CD24: variants seen among roughly 807,000 people sequenced by gnomAD.
CD24 encodes CD24 molecule, also known as signal transducer CD24.
In CD24, 2 loss-of-function variants were observed where a neutral mutation model predicts 3.6. That is an observed-to-expected ratio of 0.56 (90% CI 0.23 to 1.77). The LOEUF is 1.77. Ranked by LOEUF, CD24 falls within the 40% of genes most tolerant of loss-of-function variation. CD24 has a pLI of 0.18. For missense variants in CD24, 62 were observed against 93.6 expected (o/e 0.66, Z 1.39); for synonymous variants, 33 against 44.9 (o/e 0.74, Z 1.06).
chr6:106,976,294 A>G (rs1773107504), upstream of CD24, among the ~76,000 whole-genome samples: 1 of 152,230 alleles, frequency 6.6e-6, no homozygotes, highest in Non-Finnish European at 1.5e-5. Context: ...ACCACAGAGT[A>G]GTAAGATTCT....
upstream of CD24, chr6:106,975,321 G>A (rs1773084093): frequency 6.6e-6 from 1 of 152,086 alleles, no homozygotes; most frequent in African/African-American, 2.4e-5. Context: ...CGCCGCAGAG[G>A]AAAGGGGAAC....
upstream of CD24, among the ~76,000 whole-genome samples, chr6:106,975,962 G>T (rs1773102783): frequency 6.6e-6 from 1 of 152,002 alleles, no homozygotes; most frequent in Admixed American, 6.6e-5. Context: ...TCACTCTTTA[G>T]ATTTTGGTGG....
intron 1 of CD24, 138 bp downstream of exon 1, chr6:106,974,440 C>G (rs1773053483): frequency 1.8e-6 from 1 of 545,664 alleles, no homozygotes; most frequent in African/African-American, 2.0e-5. Context: ...CTCCCCTGGT[C>G]AGCTAAGCAA....
In CD24 at chr6:106,969,926, C is replaced by A. The variant is rs1772927230; in HGVS notation, c.*1735G>T. On this transcript the variant is annotated 3_prime_UTR_variant, in exon 2 of 2. Transcript: ENST00000606017. ...ATGAATCAAAGCGTAAATACACAAA[C>A]ACAATATACAATCCAAAATAGATGT... The A allele has an allele frequency of 6.6e-6, 1 of 152,450 alleles. No individual in the cohort carries two copies. The highest frequency in any genetic ancestry group is 1.5e-5 in the Non-Finnish European group (1 of 68,018). The allele number at this position is 152,450 out of a possible 1,614,324, so 9.4% of individuals were successfully genotyped here.
At chr6:106,974,785 G>A (rs1773065642), upstream of CD24, 2 of 831,424 alleles carry the variant, frequency 2.4e-6, no homozygotes, top group Non-Finnish European at 3.5e-6. Flanking sequence ...CAATAGCCGT[G>A]ACGTGGCGCC....
At chr6:106,974,501 C>T in intron 1 of CD24, 77 bp downstream of exon 1, 1 of 819,240 alleles carries the variant, frequency 1.2e-6, no homozygotes, top group Non-Finnish European at 1.8e-6. Context: ...GCAGGACGGT[C>T]CCCCGGGACC....
chr6:106,970,142 G>C lies in CD24; in HGVS notation c.*1519C>G, dbSNP rs1204619288. 1 of 152,406 alleles carries C rather than the reference G, an allele frequency of 6.6e-6. No homozygotes were observed. Among genetic ancestry groups the C allele is most frequent in the Non-Finnish European group, 1.5e-5 (1 of 68,044 alleles). The allele number at this position is 152,406 out of a possible 1,614,324, so 9.4% of individuals were successfully genotyped here. ...TGTGACCATGCGAACAAAAGACTTCGGGGAGTGTCTATTTTTAAAAAGGTT... is the reference window on the plus strand; with the variant it reads ...TGTGACCATGCGAACAAAAGACTTCCGGGAGTGTCTATTTTTAAAAAGGTT... On this transcript the variant is annotated 3_prime_UTR_variant, in exon 2 of 2. Coordinates refer to ENST00000606017, the MANE Select transcript of CD24 (RefSeq NM_001359084.1).
upstream of CD24, chr6:106,975,605 C>T (rs1177408656): frequency 6.6e-6 from 1 of 152,296 alleles, no homozygotes; most frequent in Non-Finnish European, 1.5e-5. Flanking sequence ...TGGGCGCAGA[C>T]CCGCTGCCTG....
chr6:106,972,472 G>A (rs1221836424), intron 1 of CD24, among the ~76,000 whole-genome samples: 1 of 152,176 alleles, frequency 6.6e-6, no homozygotes, highest in African/African-American at 2.4e-5. Flanking sequence ...CTTTAAGGCA[G>A]AATGACTTCA....
At chr6:106,973,799 C>T (rs2114900456) in intron 1 of CD24, 2 of 398,496 alleles carry the variant, frequency 5.0e-6, no homozygotes, top group African/African-American at 2.1e-5. Context: ...GGCGAGGTTC[C>T]CCGGATGGAG....
chr6:106,974,736 C>A, upstream of CD24: 2 of 1,352,922 alleles, frequency 1.5e-6, no homozygotes, highest in Admixed American at 2.9e-5. Context: ...AGGTGGGGAG[C>A]GCGGCGAGCC....
At position 106,974,643 on chromosome 6, in the gene CD24, C is replaced by T; in HGVS notation, c.4G>A (p.Gly2Ser). The change falls in exon 1 of 2, where the codon GGC (glycine) becomes AGC (serine). Residue 2 changes from glycine to serine, a missense_variant. Transcript: ENST00000606017. M[G>S]RAMVARLGLG... ...CCGAGCCTGGCCACCATTGCTCTGC[C>T]CATGTCCCCTCCGTCGGTGCGCGGC... 1 of 1,495,080 alleles carries T rather than the reference C, an allele frequency of 6.7e-7. No individual in the cohort carries two copies. The highest frequency in any genetic ancestry group is 8.9e-7 in the Non-Finnish European group (1 of 1,125,264). 92.6% of individuals were successfully genotyped at this position (1,495,080 alleles called of 1,614,324 possible). A position where few individuals can be genotyped will look rare whatever the true frequency, so the allele number is the denominator to read the frequency against.
chr6:106,973,455 G>C lies in CD24; in HGVS notation c.69+1123C>G, dbSNP rs1005151730. On this transcript the variant is annotated intron_variant, in intron 1 of 1. Coordinates refer to ENST00000606017, the MANE Select transcript of CD24 (RefSeq NM_001359084.1). ...GCAGCGGACTGGGAGGAAGACAATA[G>C]GGTACGGTTACCCCGCCAGCGGTGG... 1.1e-3 allele frequency: 418 copies of C among 390,468 alleles called. 1 individual carries two copies. The highest frequency in any genetic ancestry group is 1.3e-3 in the Middle Eastern group (2 of 1,550). 24.2% of individuals were successfully genotyped at this position (390,468 alleles called of 1,614,324 possible).
At chr6:106,975,067 G>T (rs1488806419), upstream of CD24, 1 of 151,932 alleles carries the variant, frequency 6.6e-6, no homozygotes, top group African/African-American at 2.4e-5. Context: ...GCACACACGC[G>T]AGCCACACAC....
At chr6:106,976,773 A>G (rs918646993), upstream of CD24, among the ~76,000 whole-genome samples, 1 of 152,178 alleles carries the variant, frequency 6.6e-6, no homozygotes, top group Non-Finnish European at 1.5e-5. Flanking sequence ...AGGCTGAGGC[A>G]GGAGAATAGC....
In CD24 at chr6:106,971,652, C is replaced by A; in HGVS notation, c.*9G>T. The stretch of plus-strand genomic sequence containing the variant: ...GGAAATTTAGAAGACGTTTCTTGGC[C>A]TGAGTCTCTTAAGAGTAGAGATGCA... On this transcript the variant is annotated 3_prime_UTR_variant, in exon 2 of 2. Transcript: ENST00000606017. 1.3e-6 allele frequency: 2 copies of A among 1,545,956 alleles called. No individual in the cohort carries two copies. The highest frequency in any genetic ancestry group is 2.4e-5 in the South Asian group (2 of 83,470).
intron 1 of CD24, among the ~76,000 whole-genome samples, chr6:106,973,206 G>A (rs1318589115): frequency 1.3e-5 from 2 of 151,942 alleles, no homozygotes; most frequent in African/African-American, 4.8e-5. Context: ...TCAATCTGAG[G>A]ATCTAAAGAT....
At chr6:106,976,705 T>G (rs2114904189), upstream of CD24, among the ~76,000 whole-genome samples, 1 of 152,098 alleles carries the variant, frequency 6.6e-6, no homozygotes, top group East Asian at 1.9e-4. Context: ...TAGTCTCTAC[T>G]AAAAATCCAA....
chr6:106,973,433 G>A (rs1773020878), intron 1 of CD24: 2 of 385,110 alleles, frequency 5.2e-6, no homozygotes. Flanking sequence ...CGGGAGCGCA[G>A]CGGACTGGGA....
Sources: gnomAD v4.1 joint callset for allele counts (sites outside exome capture counted in the v4.1 genomes callset) on GRCh38, gnomAD v4.1.1 for gene constraint, MANE v1.5 for transcripts, NCBI Gene and HGNC (gene_info 2026-07-23, HGNC 2026-07-21) for gene names.